The following RASSF3 variants were observed in gnomAD, a reference collection of about 807,000 sequenced individuals.
RASSF3 encodes ras association domain-containing protein 3.
A neutral mutation model predicts 19.9 loss-of-function variants in RASSF3; 19 were observed. The ratio of observed to expected loss-of-function variants is 0.96; its 90% CI spans 0.67 to 1.40. The LOEUF (loss-of-function observed/expected upper bound fraction) is 1.40, where lower values mean the gene tolerates loss of function less well. RASSF3 is among the 40% of genes most tolerant of loss of function. The probability of loss-of-function intolerance (pLI) is 0.00; values close to 1 mark genes in which losing one functional copy is unlikely to be tolerated. For missense variants in RASSF3, 306 were observed against 289.8 expected (o/e 1.06, Z -0.41); for synonymous variants, 110 against 104.2 (o/e 1.06, Z -0.34).
At chr12:64,684,739 CT>C (rs752842208) in intron 1 of RASSF3, 47 bp from the exon 2 acceptor site, 53 of 1,392,832 alleles carry the variant, frequency 3.8e-5, no homozygotes, top group Non-Finnish European at 3.9e-5. Flanking sequence ...CCTATCCGCA[CT>C]TTTTTTTATG....
chr12:64,559,963 G>A (rs1441133680), intron 2 of RASSF3, among the ~76,000 whole-genome samples: 1 of 152,210 alleles, frequency 6.6e-6, no homozygotes. Flanking sequence ...AGACAGTAGA[G>A]GAATTGGGGG....
At chr12:64,663,840 C>CTT (rs34450092) in intron 1 of RASSF3, among the ~76,000 whole-genome samples, 1,052 of 72,768 alleles carry the variant, frequency 0.014, 38 homozygotes, top group African/African-American at 0.046. Context: ...TTAGCCTTGC[C>CTT]TTTTTTTTTT....
upstream of RASSF3, among the ~76,000 whole-genome samples, chr12:64,607,641 C>T (rs112121321): frequency 0.022 from 3,416 of 152,266 alleles, 125 homozygotes; most frequent in African/African-American, 0.078. Flanking sequence ...TCCCAAAATG[C>T]TGGCATTACA....
At chr12:64,516,320 T>G (rs1868364557) in intron 1 of RASSF3, among the ~76,000 whole-genome samples, 1 of 152,158 alleles carries the variant, frequency 6.6e-6, no homozygotes, top group Admixed American at 6.5e-5. Context: ...TGAAAATTTT[T>G]GGAAAGGAAA....
rs374075980 is a variant in RASSF3 at position 64,694,857 on chromosome 12, C to G, written c.662C>G (p.Thr221Arg). The change falls in exon 5 of 5, where the codon ACA becomes AGA. Residue 221 changes from threonine to arginine, a missense_variant. Thr to Arg is a moderately conservative substitution (Grantham distance 71). Coordinates refer to ENST00000542104, the MANE Select transcript of RASSF3 (RefSeq NM_178169.4). Reference protein sequence around the residue: ...EQLQNLKRRYTAYRQKLEEAL... With the variant: ...EQLQNLKRRYRAYRQKLEEAL... ...CTGCAGAACCTGAAGAGGCGCTACA[C>G]AGCCTACAGGCAGAAGCTGGAAGAA... 27 of 1,614,226 alleles carry G rather than the reference C, an allele frequency of 1.7e-5. No homozygotes were observed. In the African/African-American group the frequency reaches 3.5e-4, roughly 21 times the overall value.
rs551158109 is a variant in RASSF3 at position 64,599,972 on chromosome 12, C to T, written c.294+58267C>T. On this transcript the variant is annotated intron_variant, in intron 2 of 5. Coordinates refer to the RASSF3 transcript ENST00000637125. ...GCGTGAACCCAGGAGGCGGAGCTTG[C>T]GGTGAGCCAAGATCGCGCCACTGCA... is the stretch of plus-strand genomic sequence containing the variant. Among the ~76,000 whole-genome samples, 38 of 131,116 alleles carry T rather than the reference C, an allele frequency of 2.9e-4. 1 individual carries two copies. In the South Asian group the frequency reaches 9.2e-3, roughly 32 times the overall value. The allele number at this position is 131,116 out of a possible 152,430, so 86.0% of individuals were successfully genotyped here.
At chr12:64,569,956 ACT>A (rs1418337681) in intron 2 of RASSF3, among the ~76,000 whole-genome samples, 10 of 152,092 alleles carry the variant, frequency 6.6e-5, no homozygotes, top group African/African-American at 2.2e-4. Context: ...CAAGAGTGAA[ACT>A]CTGTCTCAAA....
chr12:64,595,315 G>C (rs191224164), intron 2 of RASSF3, among the ~76,000 whole-genome samples: 2 of 151,828 alleles, frequency 1.3e-5, no homozygotes, highest in African/African-American at 4.8e-5. Context: ...TGATCAGCCC[G>C]CCTCGGCCTC....
chr12:64,569,858 G>T lies in RASSF3; in HGVS notation c.294+28153G>T, dbSNP rs575142223. On this transcript the variant is annotated intron_variant, in intron 2 of 5. Transcript: ENST00000637125. ...CGCATGCCTGTAATCCCAGCTACTTGGGAGGCTGAGGCAGGAGAACTGCTT... is the reference window on the plus strand; with the variant it reads ...CGCATGCCTGTAATCCCAGCTACTTTGGAGGCTGAGGCAGGAGAACTGCTT... Among the ~76,000 whole-genome samples the T allele has an allele frequency of 2.0e-5, 3 of 152,270 alleles. No individual in the cohort carries two copies. In the South Asian group the frequency reaches 6.2e-4, roughly 32 times the overall value.
At chr12:64,647,674 G>T (rs919488520) in intron 1 of RASSF3, among the ~76,000 whole-genome samples, 8 of 151,866 alleles carry the variant, frequency 5.3e-5, no homozygotes, top group Non-Finnish European at 8.8e-5. Context: ...GCCTCCCAAA[G>T]TGCTGGGATT....
chr12:64,665,118 A>G (rs967851475), intron 1 of RASSF3, among the ~76,000 whole-genome samples: 1 of 152,190 alleles, frequency 6.6e-6, no homozygotes, highest in African/African-American at 2.4e-5. Flanking sequence ...CATTGTCTAA[A>G]ATCAGAAAGA....
intron 1 of RASSF3, among the ~76,000 whole-genome samples, chr12:64,524,228 T>A (rs1197040634): frequency 7.6e-6 from 1 of 132,022 alleles, no homozygotes; most frequent in Non-Finnish European, 1.6e-5. Context: ...TTTTATTTAT[T>A]TATTTATTTA....
intron 1 of RASSF3, among the ~76,000 whole-genome samples, chr12:64,671,488 T>C (rs1423785891): frequency 6.6e-6 from 1 of 152,204 alleles, no homozygotes; most frequent in Non-Finnish European, 1.5e-5. Context: ...TGTAAGTGTT[T>C]CACACCCTAT....
At chr12:64,547,870 A>G (rs1212738821) in intron 2 of RASSF3, among the ~76,000 whole-genome samples, 1 of 152,190 alleles carries the variant, frequency 6.6e-6, no homozygotes, top group Non-Finnish European at 1.5e-5. Context: ...AAAATGTAAA[A>G]AGGTTAAGAA....
At chr12:64,541,708 A>G (rs549731773), downstream of RASSF3, 1 of 398,618 alleles carries the variant, frequency 2.5e-6, no homozygotes, top group South Asian at 1.3e-4. Context: ...ACAGTCAGGT[A>G]GGCACTATTG....
rs548913622 is a variant in RASSF3 at position 64,572,860 on chromosome 12, T to G, written c.294+31155T>G. On this transcript the variant is annotated intron_variant, in intron 2 of 5. Coordinates refer to the RASSF3 transcript ENST00000637125. Reference sequence around the variant, plus strand: ...AAACCATTAATTGAACATCTATTTTTGTTATGTTAGAGAATTCAAAGGTCG... The same window carrying G: ...AAACCATTAATTGAACATCTATTTTGGTTATGTTAGAGAATTCAAAGGTCG... 8.6e-4 allele frequency among the ~76,000 whole-genome samples: 131 copies of G among 152,304 alleles called. 3 individuals are homozygous for G. The Middle Eastern group carries it at 0.01, about 12-fold the overall frequency.
chr12:64,572,464 G>A (rs1869534621), intron 2 of RASSF3, among the ~76,000 whole-genome samples: 1 of 152,152 alleles, frequency 6.6e-6, no homozygotes, highest in African/African-American at 2.4e-5. Flanking sequence ...TGGACTTTCA[G>A]CCTACAGAGC....
chr12:64,582,689 C>T (rs1178083857), intron 2 of RASSF3, among the ~76,000 whole-genome samples: 1 of 152,162 alleles, frequency 6.6e-6, no homozygotes, highest in Non-Finnish European at 1.5e-5. Flanking sequence ...TCCCTCTCAA[C>T]ACCCACCCTC....
intron 1 of RASSF3, among the ~76,000 whole-genome samples, chr12:64,635,857 C>T (rs190433743): frequency 2.6e-5 from 4 of 152,138 alleles, no homozygotes; most frequent in South Asian, 2.1e-4. Flanking sequence ...TAAGCCTAGA[C>T]GGACTAGTTT....
Sources: gnomAD v4.1 joint callset for allele counts (sites outside exome capture counted in the v4.1 genomes callset) on GRCh38, gnomAD v4.1.1 for gene constraint, MANE v1.5 for transcripts, NCBI Gene and HGNC (gene_info 2026-07-23, HGNC 2026-07-21) for gene names.